CTXND1: variants seen among roughly 807,000 people sequenced by gnomAD.
CTXND1 encodes the protein cortexin domain-containing 1 protein.
At position 80,202,031 on chromosome 15, in the gene CTXND1, A is replaced by C; in HGVS notation, c.-65-17T>G. On this transcript the variant is annotated splice_polypyrimidine_tract_variant and intron_variant, in intron 2 of 2. Transcript: ENST00000560778. ...TTTCCACCCCTGCAGAGACAGCCAC[A>C]GCAGTGGGGAAGGAGGGGCATGGTC... is the stretch of plus-strand genomic sequence containing the variant. The C allele has an allele frequency of 2.5e-6, 1 of 398,228 alleles. No homozygotes were observed. The highest frequency in any genetic ancestry group is 4.4e-6 in the Non-Finnish European group (1 of 226,082). The allele number at this position is 398,228 out of a possible 1,614,324, so 24.7% of individuals were successfully genotyped here.
chr15:80,238,230 C>T (rs1414888657), intron 1 of CTXND1, among the ~76,000 whole-genome samples: 1 of 152,064 alleles, frequency 6.6e-6, no homozygotes, highest in African/African-American at 2.4e-5. Context: ...TCCAGTCCTG[C>T]AAGTTCCATT....
intron 1 of CTXND1, among the ~76,000 whole-genome samples, chr15:80,219,682 C>T (rs549315108): frequency 4.7e-4 from 71 of 152,266 alleles, no homozygotes; most frequent in Non-Finnish European, 5.9e-5. Flanking sequence ...ATACCCTTGG[C>T]ATGAGCTGGT....
At chr15:80,233,940 G>C (rs1893461863) in intron 1 of CTXND1, among the ~76,000 whole-genome samples, 1 of 152,164 alleles carries the variant, frequency 6.6e-6, no homozygotes, top group African/African-American at 2.4e-5. Context: ...AAGCATGCAG[G>C]AATGGGGTCA....
intron 1 of CTXND1, among the ~76,000 whole-genome samples, chr15:80,248,886 C>T (rs1030261747): frequency 6.6e-6 from 1 of 152,108 alleles, no homozygotes; most frequent in Non-Finnish European, 1.5e-5. Context: ...TTTTAATTAC[C>T]CATGTCTGCC....
rs375409831 is a variant in CTXND1 at position 80,233,623 on chromosome 15, G to A, written c.-218+18384C>T. On this transcript the variant is annotated intron_variant, in intron 1 of 2. Coordinates refer to ENST00000560778, the MANE Select transcript of CTXND1 (RefSeq NM_001352888.2). ...TCCCTGAACAAAGTGAGCTCAGAGG[G>A]CTGGGGGCTACACCACGCCAGGCTC... Among the ~76,000 whole-genome samples the A allele has an allele frequency of 2.8e-4, 42 of 152,230 alleles. No homozygotes were observed. In the South Asian group the frequency reaches 7.9e-3, roughly 29 times the overall value.
rs896005104 is a variant in CTXND1 at position 80,202,963 on chromosome 15, G to T, written c.-66+626C>A. On this transcript the variant is annotated intron_variant, in intron 2 of 2. Coordinates refer to ENST00000560778, the MANE Select transcript of CTXND1 (RefSeq NM_001352888.2). ...ACACATCACTCATTCATCTTGGGATGATTTGCAACTTCTCTGGGTCCTAAT... is the reference window on the plus strand; with the variant it reads ...ACACATCACTCATTCATCTTGGGATTATTTGCAACTTCTCTGGGTCCTAAT... Among the ~76,000 whole-genome samples, 8 of 152,360 alleles carry T rather than the reference G, an allele frequency of 5.3e-5. No individual in the cohort carries two copies. The East Asian group carries it at 1.5e-3, about 29-fold the overall frequency.
chr15:80,241,952 G>A (rs2162551), intron 1 of CTXND1, among the ~76,000 whole-genome samples: 83,219 of 152,046 alleles, frequency 0.55, 23,278 homozygotes, highest in East Asian at 0.65. Context: ...TTTCATGTCC[G>A]TATCCCACTT....
chr15:80,205,884 A>T (rs970919024), intron 1 of CTXND1, among the ~76,000 whole-genome samples: 1 of 152,110 alleles, frequency 6.6e-6, no homozygotes, highest in Non-Finnish European at 1.5e-5. Flanking sequence ...ACAGTGAGCA[A>T]CAGGACCCAG....
chr15:80,207,940 C>G (rs1161866773), intron 1 of CTXND1, among the ~76,000 whole-genome samples: 1 of 152,136 alleles, frequency 6.6e-6, no homozygotes, highest in African/African-American at 2.4e-5. Context: ...TGAAAACTTC[C>G]TGGGGGAAAT....
intron 1 of CTXND1, among the ~76,000 whole-genome samples, chr15:80,206,938 A>G (rs1467056959): frequency 6.6e-6 from 1 of 152,142 alleles, no homozygotes; most frequent in Non-Finnish European, 1.5e-5. Context: ...TTGGCTGTAG[A>G]TTGTTGTCTA....
chr15:80,231,817 A>C (rs1031783581), intron 1 of CTXND1, among the ~76,000 whole-genome samples: 4 of 152,222 alleles, frequency 2.6e-5, no homozygotes, highest in African/African-American at 9.7e-5. Flanking sequence ...AAAAGAGAAA[A>C]GTCTGTCCAC....
chr15:80,223,148 G>A (rs927489300), intron 1 of CTXND1, among the ~76,000 whole-genome samples: 3 of 152,048 alleles, frequency 2.0e-5, no homozygotes, highest in Middle Eastern at 3.4e-3. Flanking sequence ...GCGCGCTCTC[G>A]GCCCACCTCA....
chr15:80,202,655 A>G (rs569506222), intron 2 of CTXND1, among the ~76,000 whole-genome samples: 7 of 152,116 alleles, frequency 4.6e-5, no homozygotes, highest in Non-Finnish European at 1.0e-4. Flanking sequence ...TTCAAATGAA[A>G]CCTATTGTGG....
intron 1 of CTXND1, among the ~76,000 whole-genome samples, chr15:80,237,797 T>C (rs1671098131): frequency 6.6e-6 from 1 of 151,912 alleles, no homozygotes; most frequent in African/African-American, 2.4e-5. Flanking sequence ...TCACCTGAGG[T>C]CAGGAGTTCG....
rs987424826 is a variant in CTXND1 at position 80,204,568 on chromosome 15, C to T, written c.-217-828G>A. Among the ~76,000 whole-genome samples, 17 of 151,156 alleles carry T rather than the reference C, an allele frequency of 1.1e-4. No homozygotes were observed. The East Asian group carries it at 2.1e-3, about 19-fold the overall frequency. On this transcript the variant is annotated intron_variant, in intron 1 of 2. Transcript: ENST00000560778. ...TTTTTGTGACTGGCTTATTTCATTA[C>T]GCATAATGTCCTCCAGCTTCATCCA...
chr15:80,245,530 G>A (rs987002547), intron 1 of CTXND1, among the ~76,000 whole-genome samples: 1 of 152,112 alleles, frequency 6.6e-6, no homozygotes, highest in Non-Finnish European at 1.5e-5. Flanking sequence ...AAGATTGCCT[G>A]GCAGAAGCCA....
chr15:80,236,556 G>A (rs186479808), intron 1 of CTXND1, among the ~76,000 whole-genome samples: 1 of 152,252 alleles, frequency 6.6e-6, no homozygotes, highest in African/African-American at 2.4e-5. Flanking sequence ...GCTGAGGCGG[G>A]TGGATCACCT....
chr15:80,234,641 C>A (rs1480006747), intron 1 of CTXND1, among the ~76,000 whole-genome samples: 8 of 152,158 alleles, frequency 5.3e-5, no homozygotes, highest in African/African-American at 1.9e-4. Flanking sequence ...CTGTGCCTGG[C>A]TAATGTTTGT....
intron 2 of CTXND1, among the ~76,000 whole-genome samples, chr15:80,202,738 C>T (rs1459673405): frequency 3.9e-5 from 6 of 152,224 alleles, no homozygotes; most frequent in Admixed American, 3.9e-4. Flanking sequence ...GGGTCTATAT[C>T]CCCTTCCCTG....
Sources: allele counts gnomAD v4.1 joint callset (sites outside exome capture counted in the v4.1 genomes callset), GRCh38; gene constraint gnomAD v4.1.1; transcripts MANE v1.5; gene names NCBI Gene and HGNC (gene_info 2026-07-23, HGNC 2026-07-21).